Variants in NRXN1 observed in about 807,000 individuals in gnomAD.
The protein encoded by NRXN1 is neurexin-1.
Under a neutral mutation model 150.9 loss-of-function variants are expected in NRXN1, and 39 were observed. That is an observed-to-expected ratio of 0.26 (90% CI 0.20 to 0.34). The LOEUF (loss-of-function observed/expected upper bound fraction) is 0.34, where lower values mean the gene tolerates loss of function less well. Ranked by LOEUF, NRXN1 falls within the 10% of genes least tolerant of loss-of-function variation. The pLI is 1.00. For missense variants in NRXN1, 1,815 were observed against 1,949.9 expected, an observed-to-expected ratio of 0.93 and a Z score of 1.30; for synonymous variants, 924 against 757.0, an observed-to-expected ratio of 1.22 and a Z score of -3.62.
intron 18 of NRXN1, among the ~76,000 whole-genome samples, chr2:50,118,584 T>C (rs578090540): frequency 1.3e-5 from 2 of 152,236 alleles, no homozygotes; most frequent in East Asian, 3.9e-4. Flanking sequence ...TATTTTGCTT[T>C]TGTAAGTAGC....
chr2:50,802,904 G>C (rs1041402240), intron 5 of NRXN1, among the ~76,000 whole-genome samples: 4 of 152,064 alleles, frequency 2.6e-5, no homozygotes, highest in Non-Finnish European at 5.9e-5. Flanking sequence ...CCAGATACTA[G>C]GAAGACACAA....
intron 5 of NRXN1, among the ~76,000 whole-genome samples, chr2:50,860,140 CTCAA>C (rs10607818): frequency 0.077 from 11,651 of 151,844 alleles, 552 homozygotes; most frequent in Non-Finnish European, 0.11. Context: ...GATCATAACT[CTCAA>C]TCAATCAACA....
chr2:50,282,590 C>G (rs1295858895), intron 17 of NRXN1, among the ~76,000 whole-genome samples: 1 of 152,036 alleles, frequency 6.6e-6, no homozygotes, highest in Non-Finnish European at 1.5e-5. Context: ...TAGAACTAAT[C>G]CCCCCAAAAT....
intron 18 of NRXN1, among the ~76,000 whole-genome samples, chr2:50,197,288 C>T (rs908780592): frequency 3.9e-5 from 6 of 152,086 alleles, no homozygotes; most frequent in African/African-American, 7.2e-5. Flanking sequence ...GGACACTTTA[C>T]GGGGAACCTG....
chr2:51,028,124 GCA>G lies in NRXN1; in HGVS notation c.148_149del (p.Cys50ArgfsTer49). 6.4e-7 allele frequency: 1 copy of G among 1,568,450 alleles called. No homozygotes were observed. Among genetic ancestry groups the G allele is most frequent in the Non-Finnish European group, 8.6e-7 (1 of 1,159,738 alleles). On this transcript the variant is annotated frameshift_variant, in exon 2 of 23. Transcript: ENST00000401669. LOFTEE classifies it high-confidence loss of function. ...WTRFPKWNAC[C>X]ESEMSFQLKT... is the part of the protein sequence containing the mutation. ...TGAGCTGGAAGCTCATCTCGCTCTCGCAGCAGGCGTTCCACTTGGGGAAGCGC... is the reference window on the plus strand; with the variant it reads ...TGAGCTGGAAGCTCATCTCGCTCTCGGCAGGCGTTCCACTTGGGGAAGCGC...
chr2:50,483,625 C>G (rs543775209), intron 15 of NRXN1, among the ~76,000 whole-genome samples: 1 of 152,124 alleles, frequency 6.6e-6, no homozygotes, highest in Non-Finnish European at 1.5e-5. Context: ...GAACAAACTA[C>G]CCTTCTGAAA....
intron 12 of NRXN1, among the ~76,000 whole-genome samples, chr2:50,518,647 G>A (rs1411785827): frequency 2.8e-5 from 1 of 36,122 alleles, no homozygotes; most frequent in South Asian, 9.9e-4. Flanking sequence ...AGTCACAAAT[G>A]CATTTTTTTA....
intron 17 of NRXN1, among the ~76,000 whole-genome samples, chr2:50,251,695 T>C (rs1341321507): frequency 6.6e-6 from 1 of 152,170 alleles, no homozygotes; most frequent in Admixed American, 6.6e-5. Flanking sequence ...CAGCATCTGC[T>C]GTTTCTTGAC....
intron 5 of NRXN1, among the ~76,000 whole-genome samples, chr2:50,904,659 C>A (rs1007432627): frequency 1.3e-5 from 2 of 150,546 alleles, no homozygotes; most frequent in African/African-American, 4.9e-5. Context: ...ATTAAATGAT[C>A]AGACCTTTCT....
In NRXN1 at chr2:50,381,468, TGACA is replaced by T. The variant is rs71970118; in HGVS notation, c.3364+83970_3364+83973del. Among the ~76,000 whole-genome samples, 1,039 of 147,028 alleles carry T rather than the reference TGACA, an allele frequency of 7.1e-3. 14 individuals are homozygous for T. The highest frequency in any genetic ancestry group is 0.025 in the African/African-American group (1,014 of 39,902). On this transcript the variant is annotated intron_variant, in intron 17 of 22. Transcript: ENST00000401669. The stretch of plus-strand genomic sequence containing the variant: ...AATCTTGTTAGTTTTGCGAATAAAC[TGACA>T]AGTAGAAATTGGAATTTAGTGAGAA...
chr2:50,334,327 CT>C (rs1400896733), intron 17 of NRXN1, among the ~76,000 whole-genome samples: 4 of 151,684 alleles, frequency 2.6e-5, no homozygotes, highest in Non-Finnish European at 5.9e-5. Flanking sequence ...TCTGGAATTA[CT>C]AACAAAAATT....
chr2:50,569,922 G>A (rs1019826615), intron 8 of NRXN1, among the ~76,000 whole-genome samples: 1 of 152,072 alleles, frequency 6.6e-6, no homozygotes, highest in African/African-American at 2.4e-5. Flanking sequence ...CACTGTGAAG[G>A]ATTATAAAAA....
intron 18 of NRXN1, among the ~76,000 whole-genome samples, chr2:50,111,825 T>A (rs1356018273): frequency 6.6e-6 from 1 of 152,172 alleles, no homozygotes; most frequent in Admixed American, 6.5e-5. Flanking sequence ...CTATCAATCC[T>A]TAAAGTTTTT....
intron 2 of NRXN1, among the ~76,000 whole-genome samples, chr2:50,990,335 T>G (rs2104978969): frequency 6.6e-6 from 1 of 152,226 alleles, no homozygotes; most frequent in African/African-American, 2.4e-5. Flanking sequence ...TTACTTAAAT[T>G]ACTACTTCAC....
In NRXN1 at chr2:50,144,049, C is replaced by A. The variant is rs183166071; in HGVS notation, c.3547-52555G>T. Among the ~76,000 whole-genome samples, 13 of 151,980 alleles carry A rather than the reference C, an allele frequency of 8.6e-5. No homozygotes were observed. In the East Asian group the frequency reaches 2.1e-3, roughly 25 times the overall value. On this transcript the variant is annotated intron_variant, in intron 18 of 22. Transcript: ENST00000401669. ...GCTACTGAAATAATCTTGGTTTCTTCAGTAAGAAATAAATTATTCACTATC... is the reference window on the plus strand; with the variant it reads ...GCTACTGAAATAATCTTGGTTTCTTAAGTAAGAAATAAATTATTCACTATC...
intron 15 of NRXN1, among the ~76,000 whole-genome samples, chr2:50,475,838 T>C (rs560289077): frequency 6.6e-6 from 1 of 151,028 alleles, no homozygotes. Flanking sequence ...TTATCAAAGA[T>C]GCAGGTTCTC....
At chr2:50,182,240 C>T (rs1040840425) in intron 18 of NRXN1, among the ~76,000 whole-genome samples, 1 of 151,590 alleles carries the variant, frequency 6.6e-6, no homozygotes, top group Non-Finnish European at 1.5e-5. Context: ...ATGTTAGATC[C>T]TCTTTTTCTT....
At chr2:50,837,991 A>G (rs1438152132) in intron 5 of NRXN1, among the ~76,000 whole-genome samples, 1 of 152,140 alleles carries the variant, frequency 6.6e-6, no homozygotes, top group East Asian at 1.9e-4. Flanking sequence ...TGCTGGCCTC[A>G]TAAGACTGTT....
chr2:50,966,043 C>T lies in NRXN1; in HGVS notation c.773-40088G>A, dbSNP rs574253760. On this transcript the variant is annotated intron_variant, in intron 2 of 22. Transcript: ENST00000401669. Reference sequence around the variant, plus strand: ...TAGTAAAAAGTGTGTACAGCATTATCAGCTTTTCATATTATTTTACTAATT... The same window carrying T: ...TAGTAAAAAGTGTGTACAGCATTATTAGCTTTTCATATTATTTTACTAATT... Among the ~76,000 whole-genome samples the T allele has an allele frequency of 2.6e-5, 4 of 151,714 alleles. No individual in the cohort carries two copies. In the South Asian group the frequency reaches 8.3e-4, roughly 31 times the overall value.
Sources: gnomAD v4.1 joint callset for allele counts (sites outside exome capture counted in the v4.1 genomes callset) on GRCh38, gnomAD v4.1.1 for gene constraint, MANE v1.5 for transcripts, NCBI Gene and HGNC (gene_info 2026-07-23, HGNC 2026-07-21) for gene names.